The following ASB18 variants were observed in gnomAD, a reference collection of about 807,000 sequenced individuals.
ASB18 encodes the protein ankyrin repeat and SOCS box containing 18.
In ASB18, 33 loss-of-function variants were observed where a neutral mutation model predicts 33.4. The ratio of observed to expected loss-of-function variants is 0.99; its 90% CI spans 0.75 to 1.32. The LOEUF is 1.32. ASB18 is among the 40% of genes most tolerant of loss of function. The pLI, the probability that ASB18 is intolerant of heterozygous loss-of-function variation, is 0.00. For synonymous variants in ASB18, 295 were observed against 307.6 expected, an observed-to-expected ratio of 0.96 and a Z score of 0.43; for missense variants, 694 against 655.5, an observed-to-expected ratio of 1.06 and a Z score of -0.64.
Position 236,215,092 on chromosome 2 carries a change from A to G in ASB18, c.597-226T>C, listed in dbSNP as rs960319910. ...TGGTGTAAATAGCAAAGGATATGCC[A>G]TAAGAATCCACGTGCAGAGTTACAA... On this transcript the variant is annotated intron_variant, in intron 3 of 5. Coordinates refer to ENST00000409749, the MANE Select transcript of ASB18 (RefSeq NM_212556.4). The surrounding 1 kb of genome is among the most constrained non-coding windows in gnomAD (Gnocchi z 7.2). 2.0e-5 allele frequency among the ~76,000 whole-genome samples: 3 copies of G among 151,972 alleles called. No individual in the cohort carries two copies. The highest frequency in any genetic ancestry group is 2.9e-5 in the Non-Finnish European group (2 of 68,018).
In ASB18 at chr2:236,200,522, G is replaced by T. The variant is rs66648438; in HGVS notation, c.1102-4137C>A. ...TGAAGGGCCAGTCAGGTGAGCTGTC[G>T]TAGCAGAAGCAGCAGTCCTCGCTTG... On this transcript the variant is annotated intron_variant, in intron 4 of 5. Coordinates refer to ENST00000409749, the MANE Select transcript of ASB18 (RefSeq NM_212556.4). This position sits in a 1 kb window ranked among gnomAD's most constrained non-coding sequence, Gnocchi z 4.2. Among the ~76,000 whole-genome samples, 71,482 of 152,136 alleles carry T rather than the reference G, an allele frequency of 0.47. 21,290 individuals carry two copies. The highest frequency in any genetic ancestry group is 0.86 in the African/African-American group (35,592 of 41,528).
At position 236,234,362 on chromosome 2, in the gene ASB18, A is replaced by G. The variant is rs1225879602; in HGVS notation, c.596+3327T>C. ...TAGAGATACAGGCTGTGAACCTCTC[A>G]GCTCTGATCTAGGCATGGCTGCTCA... On this transcript the variant is annotated intron_variant, in intron 3 of 5. Coordinates refer to ENST00000409749, the MANE Select transcript of ASB18 (RefSeq NM_212556.4). The surrounding 1 kb of genome is among the most constrained non-coding windows in gnomAD (Gnocchi z 4.1). 6.6e-6 allele frequency among the ~76,000 whole-genome samples: 1 copy of G among 152,186 alleles called. No individual in the cohort carries two copies. Among genetic ancestry groups the G allele is most frequent in the Non-Finnish European group, 1.5e-5 (1 of 68,040 alleles).
rs1419883023 is a variant in ASB18 at position 236,219,862 on chromosome 2, C to T, written c.597-4996G>A. Among the ~76,000 whole-genome samples the T allele has an allele frequency of 6.6e-6, 1 of 152,162 alleles. No homozygotes were observed. Among genetic ancestry groups the T allele is most frequent in the Non-Finnish European group, 1.5e-5 (1 of 68,030 alleles). ...AGAAAGGCCTGGGGTCAGGGTAGAA[C>T]AGTCACCGTTGGGATCTAAGGGTAG... On this transcript the variant is annotated intron_variant, in intron 3 of 5. Transcript: ENST00000409749. The surrounding 1 kb of genome is among the most constrained non-coding windows in gnomAD (Gnocchi z 6.4).
rs1454598096 is a variant in ASB18 at position 236,225,073 on chromosome 2, T to G, written c.597-10207A>C. On this transcript the variant is annotated intron_variant, in intron 3 of 5. Coordinates refer to ENST00000409749, the MANE Select transcript of ASB18 (RefSeq NM_212556.4). The surrounding 1 kb of genome is among the most constrained non-coding windows in gnomAD (Gnocchi z 5.1). ...CTGCTGGGTCCCCCCACCCATAAGA[T>G]AATTAGCTGCTTTTATAGATCCAAC... 6.6e-6 allele frequency among the ~76,000 whole-genome samples: 1 copy of G among 152,184 alleles called. No homozygotes were observed. The highest frequency in any genetic ancestry group is 1.5e-5 in the Non-Finnish European group (1 of 68,018).
At position 236,263,110 on chromosome 2, in the gene ASB18, A is replaced by G. The variant is rs2060727542; in HGVS notation, c.205+1031T>C. Among the ~76,000 whole-genome samples, 1 of 152,266 alleles carries G rather than the reference A, an allele frequency of 6.6e-6. No homozygotes were observed. Among genetic ancestry groups the G allele is most frequent in the Non-Finnish European group, 1.5e-5 (1 of 68,056 alleles). ...AGCCCTCAGCATCCCTTAGAGGCCA[A>G]GACTAACCTTGTCCCCTAATCTGAC... On this transcript the variant is annotated intron_variant, in intron 1 of 5. Coordinates refer to ENST00000409749, the MANE Select transcript of ASB18 (RefSeq NM_212556.4). This position sits in a 1 kb window ranked among gnomAD's most constrained non-coding sequence, Gnocchi z 4.0.
rs2106260357 is a variant in ASB18, at chr2:236,194,490, A to C, written c.*382T>G. Among the ~76,000 whole-genome samples, 1 of 152,294 alleles carries C rather than the reference A, an allele frequency of 6.6e-6. No individual in the cohort carries two copies. The highest frequency in any genetic ancestry group is 1.5e-5 in the Non-Finnish European group (1 of 68,024). On this transcript the variant is annotated 3_prime_UTR_variant, in exon 6 of 6. Coordinates refer to ENST00000409749, the MANE Select transcript of ASB18 (RefSeq NM_212556.4). This position sits in a 1 kb window ranked among gnomAD's most constrained non-coding sequence, Gnocchi z 4.5. ...ACATCATTCTTGTTTATATCAATTA[A>C]CCTTGGGAAAACTGGCATTGTTATA...
chr2:236,213,315 C>T lies in ASB18; in HGVS notation c.1101+1047G>A, dbSNP rs2060467711. 1.3e-5 allele frequency among the ~76,000 whole-genome samples: 2 copies of T among 151,986 alleles called. No individual in the cohort carries two copies. Among genetic ancestry groups the T allele is most frequent in the African/African-American group, 4.8e-5 (2 of 41,364 alleles). On this transcript the variant is annotated intron_variant, in intron 4 of 5. Coordinates refer to ENST00000409749, the MANE Select transcript of ASB18 (RefSeq NM_212556.4). This position sits in a 1 kb window ranked among gnomAD's most constrained non-coding sequence, Gnocchi z 4.8. ...TTTCAGAGGCACAGTCTACTCTGAACGCATCTATAATGGAAAGTTAGCATT... is the reference window on the plus strand; with the variant it reads ...TTTCAGAGGCACAGTCTACTCTGAATGCATCTATAATGGAAAGTTAGCATT...
Position 236,197,342 on chromosome 2 carries a change from C to T in ASB18, c.1102-957G>A, listed in dbSNP as rs541089366. Among the ~76,000 whole-genome samples the T allele has an allele frequency of 4.6e-5, 7 of 152,124 alleles. 1 individual carries two copies. The South Asian group carries it at 1.0e-3, about 23-fold the overall frequency. ...TTTGAATAATCATTCCAGTTAGGGC[C>T]GATATAATGAGACTGGTTGCTGTGA... On this transcript the variant is annotated intron_variant, in intron 4 of 5. Coordinates refer to ENST00000409749, the MANE Select transcript of ASB18 (RefSeq NM_212556.4).
rs2106278592 is a variant in ASB18 at position 236,237,504 on chromosome 2, G to A, written c.596+185C>T. 6.6e-6 allele frequency among the ~76,000 whole-genome samples: 1 copy of A among 150,958 alleles called. No individual in the cohort carries two copies. The highest frequency in any genetic ancestry group is 3.4e-3 in the Middle Eastern group (1 of 292). The stretch of plus-strand genomic sequence containing the variant: ...CTTGGATCTGGGTCCCGAGGCAGGG[G>A]CCGGGGTAGGGACGGGGCGGATGCG... On this transcript the variant is annotated intron_variant, in intron 3 of 5. Transcript: ENST00000409749. This position sits in a 1 kb window ranked among gnomAD's most constrained non-coding sequence, Gnocchi z 6.2.
At chr2:236,207,957 C>G (rs10929172) in intron 4 of ASB18, among the ~76,000 whole-genome samples, 26,114 of 151,838 alleles carry the variant, frequency 0.17, 2,268 homozygotes, top group South Asian at 0.25. Context: ...CTCTCTCTTT[C>G]CCTCCTTTTC....
At chr2:236,254,354 ATTCTC>A (rs2060682524) in intron 1 of ASB18, among the ~76,000 whole-genome samples, 1 of 151,760 alleles carries the variant, frequency 6.6e-6, no homozygotes, top group South Asian at 2.1e-4. Context: ...TCTGCTCTCT[ATTCTC>A]AGAGTAAACC....
At position 236,194,837 on chromosome 2, in the gene ASB18, G is replaced by A; in HGVS notation, c.*35C>T. ...CACGGCCTCCATGGAAGGTCAGCGA[G>A]GAGAACAACAGTATTGGTTGCAGCG... On this transcript the variant is annotated 3_prime_UTR_variant, in exon 6 of 6. Transcript: ENST00000409749. The surrounding 1 kb of genome is among the most constrained non-coding windows in gnomAD (Gnocchi z 4.5). 1 of 1,578,086 alleles carries A rather than the reference G, an allele frequency of 6.3e-7. No individual in the cohort carries two copies. The highest frequency in any genetic ancestry group is 1.2e-5 in the South Asian group (1 of 86,208).
At position 236,216,881 on chromosome 2, in the gene ASB18, A is replaced by G. The variant is rs2060490662; in HGVS notation, c.597-2015T>C. Among the ~76,000 whole-genome samples the G allele has an allele frequency of 6.6e-6, 1 of 152,016 alleles. No homozygotes were observed. The highest frequency in any genetic ancestry group is 2.4e-5 in the African/African-American group (1 of 41,394). On this transcript the variant is annotated intron_variant, in intron 3 of 5. Coordinates refer to ENST00000409749, the MANE Select transcript of ASB18 (RefSeq NM_212556.4). This position sits in a 1 kb window ranked among gnomAD's most constrained non-coding sequence, Gnocchi z 6.1. ...TCACCTCCTGAGGCGCCGCCTCTCC[A>G]TGCTTCAATTCTGCCTGACCAGGTA...
In ASB18 at chr2:236,226,606, T is replaced by C. The variant is rs556335013; in HGVS notation, c.596+11083A>G. On this transcript the variant is annotated intron_variant, in intron 3 of 5. Transcript: ENST00000409749. The surrounding 1 kb of genome is among the most constrained non-coding windows in gnomAD (Gnocchi z 4.8). ...TCTATTGTTCAGTGTGTAAGCTGAG[T>C]AGCTCTGGTGGTCTGCATATGGCCT... Among the ~76,000 whole-genome samples, 2 of 152,318 alleles carry C rather than the reference T, an allele frequency of 1.3e-5. No individual in the cohort carries two copies. Among genetic ancestry groups the C allele is most frequent in the South Asian group, 2.1e-4 (1 of 4,824 alleles).
At chr2:236,227,328 G>A (rs569862315) in intron 3 of ASB18, among the ~76,000 whole-genome samples, 1 of 152,180 alleles carries the variant, frequency 6.6e-6, no homozygotes, top group African/African-American at 2.4e-5. Flanking sequence ...ATTTGAAATA[G>A]TAAAATATAG....
At position 236,245,107 on chromosome 2, in the gene ASB18, G is replaced by A. The variant is rs776679715; in HGVS notation, c.206-3705C>T. Among the ~76,000 whole-genome samples the A allele has an allele frequency of 3.3e-5, 5 of 152,134 alleles. No individual in the cohort carries two copies. Among genetic ancestry groups the A allele is most frequent in the Non-Finnish European group, 5.9e-5 (4 of 68,020 alleles). On this transcript the variant is annotated intron_variant, in intron 1 of 5. Coordinates refer to ENST00000409749, the MANE Select transcript of ASB18 (RefSeq NM_212556.4). This position sits in a 1 kb window ranked among gnomAD's most constrained non-coding sequence, Gnocchi z 4.7. Reference sequence around the variant, plus strand: ...CTCAGCTGGGTGTGGGGGGAGACTTGGCCATGACCCAAATTGGTTGCCACG... The same window carrying A: ...CTCAGCTGGGTGTGGGGGGAGACTTAGCCATGACCCAAATTGGTTGCCACG...
At chr2:236,233,296 A>T (rs1391389284) in intron 3 of ASB18, among the ~76,000 whole-genome samples, 1 of 152,156 alleles carries the variant, frequency 6.6e-6, no homozygotes, top group Non-Finnish European at 1.5e-5. Context: ...TGTATCTCTG[A>T]AAAAAGGAAT....
chr2:236,224,518 G>C (rs1245263652), intron 3 of ASB18, among the ~76,000 whole-genome samples: 1 of 152,110 alleles, frequency 6.6e-6, no homozygotes, highest in East Asian at 1.9e-4. Context: ...GGTGGCCAGA[G>C]ATAAGTGGAG....
In ASB18 at chr2:236,193,600, C is replaced by T. The variant is rs2060357298; in HGVS notation, c.*1272G>A. On this transcript the variant is annotated 3_prime_UTR_variant, in exon 6 of 6. Coordinates refer to ENST00000409749, the MANE Select transcript of ASB18 (RefSeq NM_212556.4). This position sits in a 1 kb window ranked among gnomAD's most constrained non-coding sequence, Gnocchi z 5.0. ...TCACCTGAGATCGGGAGTTTGAGAC[C>T]AGCCTGACGAACATGGAGAAACCCC... Among the ~76,000 whole-genome samples the T allele has an allele frequency of 6.6e-6, 1 of 152,098 alleles. No individual in the cohort carries two copies. The highest frequency in any genetic ancestry group is 2.4e-5 in the African/African-American group (1 of 41,436).
Sources: allele counts gnomAD v4.1 joint callset (sites outside exome capture counted in the v4.1 genomes callset), GRCh38; gene constraint gnomAD v4.1.1; non-coding constraint Gnocchi (gnomAD v3.1); transcripts MANE v1.5; gene names NCBI Gene and HGNC (gene_info 2026-07-23, HGNC 2026-07-21).